The following DAGLB variants were observed in gnomAD, a reference collection of about 807,000 sequenced individuals.
DAGLB encodes the protein diacylglycerol lipase beta, also known as diacylglycerol lipase-beta.
A neutral mutation model predicts 72.1 loss-of-function variants in DAGLB; 66 were observed. The observed-to-expected ratio is 0.92, with a 90% CI of 0.75 to 1.12. The LOEUF (loss-of-function observed/expected upper bound fraction) is 1.12. DAGLB is among the 50% of genes most tolerant of loss of function. DAGLB has a pLI of 0.00. For missense variants in DAGLB, 1,065 were observed against 884.9 expected (o/e 1.20, Z -2.58); for synonymous variants, 414 against 359.5 (o/e 1.15, Z -1.71).
At chr7:6,444,307 T>C (rs1177284460) in intron 2 of DAGLB, among the ~76,000 whole-genome samples, 1 of 151,938 alleles carries the variant, frequency 6.6e-6, no homozygotes, top group Non-Finnish European at 1.5e-5. Flanking sequence ...CCTCACAATG[T>C]AAAAATAAAA....
chr7:6,432,638 C>CTG (rs1784519741), intron 5 of DAGLB, among the ~76,000 whole-genome samples, 199 bp downstream of exon 5: 1 of 123,760 alleles, frequency 8.1e-6, no homozygotes, highest in African/African-American at 3.1e-5. Flanking sequence ...CCAGCCTGGG[C>CTG]GACAGAGCGA....
intron 8 of DAGLB, among the ~76,000 whole-genome samples, chr7:6,424,090 G>A (rs1056764896): frequency 1.3e-5 from 2 of 152,186 alleles, no homozygotes; most frequent in African/African-American, 4.8e-5. Flanking sequence ...ACAGGCTCTG[G>A]AGTCTCAACT....
chr7:6,418,115 C>T (rs1291629368), intron 9 of DAGLB, among the ~76,000 whole-genome samples: 4 of 152,080 alleles, frequency 2.6e-5, no homozygotes, highest in Non-Finnish European at 4.4e-5. Context: ...GTGATCCACC[C>T]GCCTCAGCCT....
rs1784603651 is a variant in DAGLB at position 6,434,833 on chromosome 7, A to T, written c.607T>A (p.Cys203Ser). 6.2e-7 allele frequency: 1 copy of T among 1,614,068 alleles called. No individual in the cohort carries two copies. Among genetic ancestry groups the T allele is most frequent in the African/African-American group, 1.3e-5 (1 of 74,936 alleles). Residue 203 changes from cysteine (C) to serine (S), a missense_variant, in exon 4 of 15, where the codon TGC becomes AGC. Physicochemically the swap from Cys to Ser is moderately radical, Grantham distance 112 (BLOSUM62 -1). Transcript: ENST00000297056. ...WETRIKLLCCCIGKDDHTRVA... is the reference protein window; with the variant it reads ...WETRIKLLCCSIGKDDHTRVA... The stretch of plus-strand genomic sequence containing the variant: ...CGAGTATGGTCGTCTTTCCCAATGC[A>T]ACAGCACAAGAGCTTGATTCTGGTT...
chr7:6,413,129 T>C (rs1317606284), intron 11 of DAGLB, 95 bp from the exon 12 acceptor site: 2 of 1,313,610 alleles, frequency 1.5e-6, no homozygotes, highest in East Asian at 5.0e-5. Context: ...GGGGTTAGGT[T>C]CCCAGGCCTC....
chr7:6,409,622 C>G lies in DAGLB; in HGVS notation c.*215G>C, dbSNP rs1395284472. The G allele has an allele frequency of 3.2e-6, 2 of 623,424 alleles. No homozygotes were observed. Among genetic ancestry groups the G allele is most frequent in the Admixed American group, 3.1e-5 (1 of 32,586 alleles). 38.6% of individuals were successfully genotyped at this position (623,424 alleles called of 1,614,324 possible). ...CGGTCGCTGGGTCTCAGGAGTCGTC[C>G]TATCACCTGAGCGTGCTCACTACTT... is the stretch of plus-strand genomic sequence containing the variant. On this transcript the variant is annotated 3_prime_UTR_variant, in exon 15 of 15. Transcript: ENST00000297056.
At chr7:6,444,270 C>A (rs958373617) in intron 2 of DAGLB, among the ~76,000 whole-genome samples, 7 of 152,082 alleles carry the variant, frequency 4.6e-5, no homozygotes, top group Admixed American at 1.3e-4. Context: ...AAGACACTGT[C>A]TCTAACAACA....
At chr7:6,422,333 C>T (rs1380603541) in intron 8 of DAGLB, 7 of 257,394 alleles carry the variant, frequency 2.7e-5, no homozygotes, top group African/African-American at 1.1e-4. Flanking sequence ...GGACAGGCGG[C>T]GTCCTCCCAA....
At position 6,425,294 on chromosome 7, in the gene DAGLB, T is replaced by G. The variant is rs957168715; in HGVS notation, c.1057-459A>C. Among the ~76,000 whole-genome samples, 8 of 152,038 alleles carry G rather than the reference T, an allele frequency of 5.3e-5. No individual in the cohort carries two copies. The South Asian group carries it at 1.0e-3, about 20-fold the overall frequency. ...GCACAGCTGGCTTTTTTTTTTGAGA[T>G]GGCATCTTGCTCTGTCACCTAGGCT... On this transcript the variant is annotated intron_variant, in intron 7 of 14. Coordinates refer to ENST00000297056, the MANE Select transcript of DAGLB (RefSeq NM_139179.4).
chr7:6,423,825 G>A (rs1274510675), intron 8 of DAGLB, among the ~76,000 whole-genome samples: 2 of 152,134 alleles, frequency 1.3e-5, no homozygotes, highest in African/African-American at 4.8e-5. Context: ...TTGACCTTGT[G>A]ATCCACCCAC....
intron 6 of DAGLB, 136 bp downstream of exon 6, chr7:6,430,344 A>C: frequency 3.8e-6 from 4 of 1,062,728 alleles, no homozygotes; most frequent in Non-Finnish European, 3.6e-6. Context: ...TGACCAGATG[A>C]GTCACAGCTG....
chr7:6,414,183 T>G (rs773422464), intron 11 of DAGLB, among the ~76,000 whole-genome samples: 1 of 149,092 alleles, frequency 6.7e-6, no homozygotes, highest in Non-Finnish European at 1.5e-5. Context: ...GCTAATTTTT[T>G]GTATTTTTAG....
rs1369034478 is a variant in DAGLB, at chr7:6,430,614, GAGA to G, written c.802-10_802-8del. ...CTGCATCCAGATCAGCTTCCTACAA[GAGA>G]AGGACAAAAACTACTGTTTATTAAG... On this transcript the variant is annotated splice_region_variant and splice_polypyrimidine_tract_variant and intron_variant, in intron 5 of 14. Transcript: ENST00000297056. The G allele has an allele frequency of 3.2e-6, 5 of 1,581,234 alleles. No individual in the cohort carries two copies. The East Asian group carries it at 9.0e-5, about 29-fold the overall frequency.
At chr7:6,414,819 G>GAA (rs111824512) in intron 11 of DAGLB, among the ~76,000 whole-genome samples, 2 of 148,382 alleles carry the variant, frequency 1.3e-5, no homozygotes, top group African/African-American at 2.5e-5. Context: ...ATGGACGATG[G>GAA]AAAAAAAAAA....
chr7:6,416,808 G>C (rs943809994), intron 10 of DAGLB, 33 bp downstream of exon 10: 10 of 1,614,046 alleles, frequency 6.2e-6, no homozygotes, highest in Admixed American at 5.0e-5. Flanking sequence ...GCTCCAAAGA[G>C]GACAAGGAAA....
chr7:6,415,428 A>G (rs1215264044), intron 11 of DAGLB, among the ~76,000 whole-genome samples: 1 of 151,114 alleles, frequency 6.6e-6, no homozygotes, highest in Non-Finnish European at 1.5e-5. Flanking sequence ...TACAGGCATG[A>G]GCCACCACGC....
intron 1 of DAGLB, 144 bp from the exon 2 acceptor site, chr7:6,446,248 C>A: frequency 1.5e-6 from 1 of 661,082 alleles, no homozygotes; most frequent in Non-Finnish European, 2.2e-6. Context: ...GTGGGCGGAT[C>A]ACAAGGTCAG....
At chr7:6,437,794 A>C (rs2115288106) in intron 2 of DAGLB, among the ~76,000 whole-genome samples, 1 of 152,172 alleles carries the variant, frequency 6.6e-6, no homozygotes, top group Middle Eastern at 3.4e-3. Flanking sequence ...GATTAGAGGC[A>C]TTACACCTGG....
chr7:6,422,346 G>A (rs1014843336), intron 8 of DAGLB: 28 of 249,690 alleles, frequency 1.1e-4, no homozygotes, highest in South Asian at 3.0e-4. Flanking sequence ...CCTCCCAACA[G>A]GGGCAGCAGG....
Sources: allele counts gnomAD v4.1 joint callset (sites outside exome capture counted in the v4.1 genomes callset), GRCh38; gene constraint gnomAD v4.1.1; transcripts MANE v1.5; gene names NCBI Gene and HGNC (gene_info 2026-07-23, HGNC 2026-07-21).